DAB1: variants seen among roughly 807,000 people sequenced by gnomAD.
DAB1 encodes the protein disabled homolog 1.
DAB1 carries 15 observed loss-of-function variants against 64.6 expected under a neutral mutation model. That is an observed-to-expected ratio of 0.23 (90% CI 0.16 to 0.36). The LOEUF (loss-of-function observed/expected upper bound fraction) is 0.36, where lower values mean the gene tolerates loss of function less well. DAB1 is among the 10% of genes least tolerant of loss of function. The pLI is 1.00. For missense variants in DAB1, 596 were observed against 706.7 expected (o/e 0.84, Z 1.78); for synonymous variants, 235 against 251.9 (o/e 0.93, Z 0.64).
intron 3 of DAB1, among the ~76,000 whole-genome samples, chr1:58,465,793 G>A (rs77304718): frequency 0.019 from 2,938 of 152,224 alleles, 40 homozygotes; most frequent in Admixed American, 0.03. Flanking sequence ...GACAGGAACC[G>A]TCATTATCCA....
chr1:58,378,836 C>T (rs568960181), intron 3 of DAB1, among the ~76,000 whole-genome samples: 1,016 of 91,290 alleles, frequency 0.011, 10 homozygotes, highest in Middle Eastern at 0.019. Flanking sequence ...AGCGAGATTC[C>T]GTGGGCGTAG....
At chr1:57,434,976 T>C (rs776088756) in intron 7 of DAB1, among the ~76,000 whole-genome samples, 6 of 151,982 alleles carry the variant, frequency 3.9e-5, no homozygotes, top group Admixed American at 6.6e-5. Flanking sequence ...GTAGACTTTA[T>C]AAACATTTTA....
chr1:58,248,436 G>C (rs1334403213), intron 4 of DAB1, among the ~76,000 whole-genome samples: 2 of 152,128 alleles, frequency 1.3e-5, no homozygotes, highest in African/African-American at 4.8e-5. Context: ...GGAGAGACTG[G>C]GGCCCCACGT....
At chr1:58,329,299 T>C (rs1440043568) in intron 4 of DAB1, among the ~76,000 whole-genome samples, 4 of 152,246 alleles carry the variant, frequency 2.6e-5, no homozygotes, top group Admixed American at 1.3e-4. Context: ...ATTTTTAACC[T>C]GATTTCTTAA....
At chr1:58,224,994 CA>C (rs1222712096) in intron 4 of DAB1, among the ~76,000 whole-genome samples, 1 of 152,118 alleles carries the variant, frequency 6.6e-6, no homozygotes, top group African/African-American at 2.4e-5. Context: ...TTCTGCACAG[CA>C]AAAGAAACTA....
At chr1:58,030,404 G>T (rs1388979692) in intron 5 of DAB1, among the ~76,000 whole-genome samples, 1 of 152,124 alleles carries the variant, frequency 6.6e-6, no homozygotes, top group Non-Finnish European at 1.5e-5. Flanking sequence ...TTTTTAAGGT[G>T]AGGAGGCAAA....
intron 1 of DAB1, among the ~76,000 whole-genome samples, chr1:57,878,132 C>A (rs542560290): frequency 6.7e-6 from 1 of 148,458 alleles, no homozygotes; most frequent in East Asian, 1.9e-4. Context: ...ATGAAAAATT[C>A]TTTAGAAATA....
chr1:57,579,167 G>A (rs771902103), intron 7 of DAB1, among the ~76,000 whole-genome samples: 3 of 152,190 alleles, frequency 2.0e-5, no homozygotes, highest in Admixed American at 1.3e-4. Context: ...GAATAACTGG[G>A]TGTTTAATAA....
At position 58,048,432 on chromosome 1, in the gene DAB1, C is replaced by T. The variant is rs1484186981; in HGVS notation, n.387+102079G>A. On this transcript the variant is annotated intron_variant and non_coding_transcript_variant, in intron 5 of 20. Transcript: ENST00000485760. The stretch of plus-strand genomic sequence containing the variant: ...CCTCCACCTCTATTGTTATAGCTGT[C>T]ATAGCTGCCACTCCCGCCATAGCCA... 5 of 955,048 alleles carry T rather than the reference C, an allele frequency of 5.2e-6. No individual in the cohort carries two copies. The African/African-American group carries it at 8.0e-5, about 15-fold the overall frequency. The allele number at this position is 955,048 out of a possible 1,614,324, so 59.2% of individuals were successfully genotyped here.
chr1:58,215,857 C>T (rs1658822292), intron 4 of DAB1, among the ~76,000 whole-genome samples: 1 of 152,238 alleles, frequency 6.6e-6, no homozygotes, highest in East Asian at 1.9e-4. Flanking sequence ...GATCCTAGTG[C>T]AACCAGCAGA....
At chr1:57,607,920 C>A (rs1168916137) in intron 7 of DAB1, among the ~76,000 whole-genome samples, 1 of 152,102 alleles carries the variant, frequency 6.6e-6, no homozygotes, top group Non-Finnish European at 1.5e-5. Context: ...TAGTCACCAG[C>A]CAGGCAGAAC....
Position 57,501,806 on chromosome 1 carries a change from C to T in DAB1, n.625+147786G>A, listed in dbSNP as rs1644292140. Among the ~76,000 whole-genome samples, 3 of 152,284 alleles carry T rather than the reference C, an allele frequency of 2.0e-5. No homozygotes were observed. In the South Asian group the frequency reaches 6.2e-4, roughly 32 times the overall value. On this transcript the variant is annotated intron_variant and non_coding_transcript_variant, in intron 7 of 20. Coordinates refer to the DAB1 transcript ENST00000485760. ...TCGTTATCTTTCAACTTCTTGTTTA[C>T]CCCTGCCTACTTTATTCCTTATAAT...
At chr1:57,281,540 C>A (rs1204187906) in intron 2 of DAB1, among the ~76,000 whole-genome samples, 4 of 152,106 alleles carry the variant, frequency 2.6e-5, no homozygotes, top group Non-Finnish European at 5.9e-5. Flanking sequence ...AGGAATGCGC[C>A]TGGACAGATA....
Position 57,339,378 on chromosome 1 carries a change from G to A in DAB1, c.-136-48212C>T, listed in dbSNP as rs1370736181. ...TCACTGTGTTAGCCAGGATGGTCTC[G>A]ATCTCCTGACCTCGTGATCCACACG... On this transcript the variant is annotated intron_variant, in intron 1 of 14. Coordinates refer to ENST00000371236, the MANE Select transcript of DAB1 (RefSeq NM_001365792.1). Among the ~76,000 whole-genome samples the A allele has an allele frequency of 2.6e-4, 40 of 151,886 alleles. 2 individuals carry two copies. Among genetic ancestry groups the A allele is most frequent in the Non-Finnish European group, 7.4e-5 (5 of 67,978 alleles).
At chr1:57,728,296 T>TA (rs1189032494) in intron 6 of DAB1, among the ~76,000 whole-genome samples, 1 of 152,112 alleles carries the variant, frequency 6.6e-6, no homozygotes, top group Non-Finnish European at 1.5e-5. Flanking sequence ...GAAGTATAGT[T>TA]AAAAGAACAC....
At chr1:57,356,117 T>C (rs1282819948) in intron 1 of DAB1, among the ~76,000 whole-genome samples, 1 of 152,118 alleles carries the variant, frequency 6.6e-6, no homozygotes, top group Non-Finnish European at 1.5e-5. Context: ...GCTATATTCC[T>C]TGCACCTAGA....
At chr1:57,111,926 T>C (rs1655697824) in intron 4 of DAB1, among the ~76,000 whole-genome samples, 1 of 152,170 alleles carries the variant, frequency 6.6e-6, no homozygotes, top group African/African-American at 2.4e-5. Context: ...AGTCAAGAAC[T>C]TAAATTTTGC....
chr1:57,464,375 G>C (rs1263949537), intron 7 of DAB1, among the ~76,000 whole-genome samples: 3 of 152,104 alleles, frequency 2.0e-5, no homozygotes, highest in Non-Finnish European at 4.4e-5. Flanking sequence ...TATCCATCCA[G>C]TTTCCATTTA....
At chr1:57,628,513 G>T (rs541905272) in intron 7 of DAB1, among the ~76,000 whole-genome samples, 53 of 152,162 alleles carry the variant, frequency 3.5e-4, no homozygotes, top group South Asian at 6.2e-4. Context: ...CTTGGTATCA[G>T]GTACTAGACC....
Sources: allele counts gnomAD v4.1 joint callset (sites outside exome capture counted in the v4.1 genomes callset), GRCh38; gene constraint gnomAD v4.1.1; transcripts MANE v1.5; gene names NCBI Gene and HGNC (gene_info 2026-07-23, HGNC 2026-07-21).